Variants in NECTIN3 observed in about 807,000 individuals in gnomAD.
The protein encoded by NECTIN3 is nectin cell adhesion molecule 3.
NECTIN3 carries 8 observed loss-of-function variants against 49.4 expected under a neutral mutation model. The observed-to-expected ratio is 0.16, with a 90% CI of 0.10 to 0.29. NECTIN3 has a LOEUF of 0.29. Ranked by LOEUF, NECTIN3 falls within the 10% of genes least tolerant of loss-of-function variation. NECTIN3 has a pLI of 1.00. For synonymous variants in NECTIN3, 277 were observed against 241.1 expected (o/e 1.15, Z -1.38); for missense variants, 581 against 654.6 (o/e 0.89, Z 1.23).
chr3:111,106,817 C>T (rs1267730894), intron 1 of NECTIN3, among the ~76,000 whole-genome samples: 1 of 152,098 alleles, frequency 6.6e-6, no homozygotes, highest in Non-Finnish European at 1.5e-5. Context: ...TGAACACAGA[C>T]TAAAATAAAT....
chr3:111,077,088 C>T (rs552193142), intron 1 of NECTIN3: 5 of 201,468 alleles, frequency 2.5e-5, no homozygotes, highest in South Asian at 8.3e-5. Context: ...TGAGGTCTGC[C>T]TCCTATGAGT....
In NECTIN3 at chr3:111,109,700, C is replaced by G. The variant is rs182626958; in HGVS notation, c.161-2330C>G. Among the ~76,000 whole-genome samples, 347 of 151,992 alleles carry G rather than the reference C, an allele frequency of 2.3e-3. 4 individuals carry two copies. Among genetic ancestry groups the G allele is most frequent in the African/African-American group, 7.6e-3 (316 of 41,508 alleles). On this transcript the variant is annotated intron_variant, in intron 1 of 5. Coordinates refer to ENST00000485303, the MANE Select transcript of NECTIN3 (RefSeq NM_015480.3). The stretch of plus-strand genomic sequence containing the variant: ...TGTGTACTTTCAATTATTTTATGTT[C>G]CTAATACCAAACTTTTATTATTTTT...
chr3:111,161,599 T>G (rs1021826107), intron 7 of NECTIN3, among the ~76,000 whole-genome samples: 1 of 152,126 alleles, frequency 6.6e-6, no homozygotes, highest in African/African-American at 2.4e-5. Flanking sequence ...TGGCATTAGA[T>G]TCTCATAGGA....
intron 1 of NECTIN3, among the ~76,000 whole-genome samples, chr3:111,085,333 CAA>C (rs1651162672): frequency 6.6e-6 from 1 of 152,148 alleles, no homozygotes; most frequent in Non-Finnish European, 1.5e-5. Context: ...TGATTAAAGT[CAA>C]AGTGCCAGTT....
intron 7 of NECTIN3, among the ~76,000 whole-genome samples, chr3:111,148,957 G>T (rs2034941016): frequency 6.6e-6 from 1 of 151,970 alleles, no homozygotes; most frequent in African/African-American, 2.4e-5. Flanking sequence ...CCTTGAACTA[G>T]AATGTAGAAA....
rs2034901155 is a variant in NECTIN3 at position 111,147,421 on chromosome 3, A to G, written c.1158A>G (p.Thr386=). Residue 386 remains threonine, a synonymous_variant, in exon 7 of 9, where the codon ACA becomes ACG. Coordinates refer to the NECTIN3 transcript ENST00000493615. ...AATGCAGGATTGACCTTCCACCCAC[A>G]CATAAACCACCTCCTCTGTATGAAG... 4 of 1,532,490 alleles carry G rather than the reference A, an allele frequency of 2.6e-6. No individual in the cohort carries two copies. In the African/African-American group the frequency reaches 4.1e-5, roughly 16 times the overall value. 94.9% of individuals were successfully genotyped at this position (1,532,490 alleles called of 1,614,324 possible). A position where few individuals can be genotyped will look rare whatever the true frequency, so the allele number is the denominator to read the frequency against.
intron 7 of NECTIN3, among the ~76,000 whole-genome samples, chr3:111,162,887 TA>T (rs1439431297): frequency 6.6e-6 from 1 of 152,230 alleles, no homozygotes; most frequent in Non-Finnish European, 1.5e-5. Context: ...TAGGTTTTGT[TA>T]TAACAGCACT....
chr3:111,129,937 A>C (rs1220111418), intron 5 of NECTIN3, among the ~76,000 whole-genome samples: 1 of 150,366 alleles, frequency 6.7e-6, no homozygotes, highest in African/African-American at 2.5e-5. Context: ...GGTGTGAGCC[A>C]CTGCGCCCAG....
chr3:111,139,587 G>A (rs2034688934), downstream of NECTIN3, among the ~76,000 whole-genome samples: 1 of 151,706 alleles, frequency 6.6e-6, no homozygotes, highest in African/African-American at 2.4e-5. Context: ...GATATTAGCT[G>A]CCATTTGGTG....
rs764757077 is a variant in NECTIN3, at chr3:111,112,099, A to G, written c.230A>G (p.Lys77Arg). 2 of 1,613,816 alleles carry G rather than the reference A, an allele frequency of 1.2e-6. No individual in the cohort carries two copies. The highest frequency in any genetic ancestry group is 1.7e-5 in the Admixed American group (1 of 59,914). Residue 77 changes from lysine (K) to arginine (R), a missense_variant, in exon 2 of 6, where the codon AAG (lysine) becomes AGG (arginine). This residue lies in a region of NECTIN3 where 234 missense variants were observed against 340.6 expected (regional missense o/e 0.69). Transcript: ENST00000485303. ...GTATGGGGAAAGAATGTTTCATTAAAGTGTTTAATTGAAGTAAATGAAACC... is the reference window on the plus strand; with the variant it reads ...GTATGGGGAAAGAATGTTTCATTAAGGTGTTTAATTGAAGTAAATGAAACC... ...TAVWGKNVSL[K>R]CLIEVNETIT...
intron 1 of NECTIN3, among the ~76,000 whole-genome samples, chr3:111,090,212 A>G (rs1249803605): frequency 6.6e-6 from 1 of 152,054 alleles, no homozygotes; most frequent in Non-Finnish European, 1.5e-5. Context: ...TGTTTGGCCT[A>G]TTTAGTTATT....
At chr3:111,145,045 A>T in intron 6 of NECTIN3, 1 of 1,535,520 alleles carries the variant, frequency 6.5e-7, no homozygotes, top group Non-Finnish European at 8.7e-7. Context: ...AGTGTAGGTA[A>T]CTTTTTTGCC....
chr3:111,160,501 T>A (rs1051623154), intron 7 of NECTIN3, among the ~76,000 whole-genome samples: 1 of 152,210 alleles, frequency 6.6e-6, no homozygotes, highest in Non-Finnish European at 1.5e-5. Context: ...CCCAGTTGGA[T>A]TGGATTATCA....
At chr3:111,150,296 C>G (rs2034973171) in intron 7 of NECTIN3, among the ~76,000 whole-genome samples, 1 of 145,578 alleles carries the variant, frequency 6.9e-6, no homozygotes, top group Non-Finnish European at 1.5e-5. Flanking sequence ...CTTGAACTAT[C>G]AAGAGATTTT....
At position 111,133,891 on chromosome 3, in the gene NECTIN3, C is replaced by T; in HGVS notation, c.1326C>T (p.Asn442=). 6.2e-7 allele frequency: 1 copy of T among 1,613,962 alleles called. No homozygotes were observed. Among genetic ancestry groups the T allele is most frequent in the Non-Finnish European group, 8.5e-7 (1 of 1,179,878 alleles). ...TTCGTGGAGACTACTTTGCCAAGAA[C>T]TACATTCCACCATCAGATATGCAAA... ...RTFRGDYFAK[N]YIPPSDMQKE... is the part of the protein sequence containing the mutation. Residue 442 remains asparagine, a synonymous_variant, in exon 6 of 6, where the codon AAC becomes AAT. Transcript: ENST00000485303.
chr3:111,126,428 A>AC, intron 5 of NECTIN3, 93 bp downstream of exon 5: 2 of 1,078,870 alleles, frequency 1.9e-6, no homozygotes, highest in Non-Finnish European at 2.7e-6. Context: ...TTGTACTTGT[A>AC]AAGATACAGA....
In NECTIN3 at chr3:111,089,406, C is replaced by CGTGTGTGT. The variant is rs139575444; in HGVS notation, c.160+17246_160+17253dup. 2.6e-3 allele frequency among the ~76,000 whole-genome samples: 378 copies of CGTGTGTGT among 147,096 alleles called. 1 individual carries two copies. Among genetic ancestry groups the CGTGTGTGT allele is most frequent in the African/African-American group, 8.5e-3 (343 of 40,384 alleles). On this transcript the variant is annotated intron_variant, in intron 1 of 5. Coordinates refer to ENST00000485303, the MANE Select transcript of NECTIN3 (RefSeq NM_015480.3). Reference sequence around the variant, plus strand: ...TAGATTACTGATTTTCAGCCTTTCTCGTGTGTGTGTGTGTGTGTGTGTGTA... The same window carrying CGTGTGTGT: ...TAGATTACTGATTTTCAGCCTTTCTCGTGTGTGTGTGTGTGTGTGTGTGTGTGTGTGTA...
chr3:111,154,138 A>G (rs532878463), intron 7 of NECTIN3, among the ~76,000 whole-genome samples: 2 of 152,240 alleles, frequency 1.3e-5, no homozygotes, highest in East Asian at 3.9e-4. Context: ...CAAAAGTCCT[A>G]GTGTCCCTTT....
At chr3:111,193,944 T>C (rs1048770480) in intron 1 of NECTIN3, among the ~76,000 whole-genome samples, 1 of 152,212 alleles carries the variant, frequency 6.6e-6, no homozygotes, top group African/African-American at 2.4e-5. Flanking sequence ...GTTGAAACCT[T>C]CAAGCCTGTT....
Sources: gnomAD v4.1 joint callset for allele counts (sites outside exome capture counted in the v4.1 genomes callset) on GRCh38, gnomAD v4.1.1 for gene constraint, gnomAD v4.1.1 regional missense constraint, MANE v1.5 for transcripts, NCBI Gene and HGNC (gene_info 2026-07-23, HGNC 2026-07-21) for gene names.